Variants in FSTL5 observed in about 807,000 individuals in gnomAD.
FSTL5 encodes the protein follistatin like 5, also known as follistatin-related protein 5.
FSTL5 carries 62 observed loss-of-function variants against 89.1 expected under a neutral mutation model. That is an observed-to-expected ratio of 0.70 (90% CI 0.57 to 0.86). The LOEUF is 0.86. Ranked by LOEUF, FSTL5 falls within the 40% of genes least tolerant of loss-of-function variation. The pLI, the probability that FSTL5 is intolerant of heterozygous loss-of-function variation, is 0.00. For missense variants in FSTL5, 1,057 were observed against 1,001.6 expected (o/e 1.06, Z -0.75); for synonymous variants, 383 against 346.2 (o/e 1.11, Z -1.18).
chr4:161,402,247 T>C (rs959745472), intron 15 of FSTL5, among the ~76,000 whole-genome samples: 2 of 152,134 alleles, frequency 1.3e-5, no homozygotes, highest in Non-Finnish European at 2.9e-5. Flanking sequence ...ATTTAATAAA[T>C]TATGTGTAAA....
intron 8 of FSTL5, among the ~76,000 whole-genome samples, chr4:161,570,916 C>T (rs943788774): frequency 2.0e-5 from 3 of 151,992 alleles, no homozygotes; most frequent in Admixed American, 6.6e-5. Context: ...GAGATCGAGA[C>T]CATCCTGGCC....
intron 6 of FSTL5, among the ~76,000 whole-genome samples, chr4:161,754,300 T>C (rs940396362): frequency 6.6e-6 from 1 of 152,064 alleles, no homozygotes; most frequent in Non-Finnish European, 1.5e-5. Flanking sequence ...TTTGTACATA[T>C]AAAGATCATG....
intron 6 of FSTL5, among the ~76,000 whole-genome samples, chr4:161,681,150 G>A (rs1190228993): frequency 6.6e-6 from 1 of 152,026 alleles, no homozygotes; most frequent in Non-Finnish European, 1.5e-5. Flanking sequence ...GCATGTGAAT[G>A]TGTGATTTGA....
chr4:162,066,707 T>C (rs2111298103), intron 2 of FSTL5, among the ~76,000 whole-genome samples: 1 of 151,808 alleles, frequency 6.6e-6, no homozygotes, highest in Admixed American at 6.6e-5. Context: ...CCTGTGTTAC[T>C]CTGCTAAGAA....
At chr4:161,558,254 G>A (rs1444874962) in intron 8 of FSTL5, among the ~76,000 whole-genome samples, 2 of 151,784 alleles carry the variant, frequency 1.3e-5, no homozygotes, top group South Asian at 2.1e-4. Flanking sequence ...GTGGGAGTAG[G>A]AGAGAGCTCA....
chr4:161,391,085 T>C (rs947298440), intron 15 of FSTL5, among the ~76,000 whole-genome samples: 4 of 152,120 alleles, frequency 2.6e-5, no homozygotes, highest in African/African-American at 4.8e-5. Flanking sequence ...AAACACTCTA[T>C]CCTGTTATAA....
At chr4:162,143,753 G>C in intron 1 of FSTL5, among the ~76,000 whole-genome samples, 1 of 90,402 alleles carries the variant, frequency 1.1e-5, no homozygotes, top group Non-Finnish European at 2.5e-5. Context: ...CACACACCCA[G>C]GAAAAAAGGT....
chr4:161,617,262 A>T (rs568732588), intron 7 of FSTL5, among the ~76,000 whole-genome samples: 5 of 152,284 alleles, frequency 3.3e-5, no homozygotes, highest in African/African-American at 1.2e-4. Context: ...TATTTAGTGT[A>T]AATTGGTGAT....
At chr4:161,748,666 C>CGT (rs1740287650) in intron 6 of FSTL5, among the ~76,000 whole-genome samples, 2 of 143,414 alleles carry the variant, frequency 1.4e-5, no homozygotes, top group Non-Finnish European at 3.0e-5. Context: ...AAGACTTACA[C>CGT]GATTGGCGAA....
intron 6 of FSTL5, among the ~76,000 whole-genome samples, chr4:161,696,341 C>A (rs1157483329): frequency 2.0e-5 from 3 of 151,990 alleles, no homozygotes; most frequent in Non-Finnish European, 4.4e-5. Context: ...TAGCAGTAAC[C>A]TGTTGTTTTG....
chr4:161,670,409 C>T (rs1056318319), intron 6 of FSTL5, among the ~76,000 whole-genome samples: 1 of 152,062 alleles, frequency 6.6e-6, no homozygotes. Context: ...ATGTTGGAGT[C>T]GATCAAATGA....
chr4:161,756,321 GA>G (rs1428601411), intron 6 of FSTL5, among the ~76,000 whole-genome samples: 1 of 151,890 alleles, frequency 6.6e-6, no homozygotes, highest in Non-Finnish European at 1.5e-5. Flanking sequence ...GTCTCTTTAT[GA>G]CTATTAAAAA....
At position 161,815,893 on chromosome 4, in the gene FSTL5, G is replaced by A. The variant is rs114495584; in HGVS notation, c.410-39819C>T. On this transcript the variant is annotated intron_variant, in intron 4 of 15. Transcript: ENST00000306100. ...TTGTTAAATGTATTAATTTGAATAA[G>A]GATAAGTAAGTCAAATGAAAGTCTT... Among the ~76,000 whole-genome samples, 1,371 of 152,188 alleles carry A rather than the reference G, an allele frequency of 9.0e-3. 13 individuals carry two copies. Among genetic ancestry groups the A allele is most frequent in the Non-Finnish European group, 0.015 (1,026 of 67,998 alleles).
intron 9 of FSTL5, among the ~76,000 whole-genome samples, chr4:161,541,734 A>G (rs1731824744): frequency 6.6e-6 from 1 of 152,070 alleles, no homozygotes; most frequent in South Asian, 2.1e-4. Flanking sequence ...TAATATAAAG[A>G]AAATTAAAGT....
intron 8 of FSTL5, among the ~76,000 whole-genome samples, chr4:161,572,210 T>C (rs142848065): frequency 0.036 from 5,377 of 150,972 alleles, 318 homozygotes; most frequent in African/African-American, 0.12. Flanking sequence ...TCCCAGCTAC[T>C]TGGGAGGCTG....
intron 1 of FSTL5, among the ~76,000 whole-genome samples, chr4:162,125,986 C>T (rs989871968): frequency 6.6e-6 from 1 of 151,854 alleles, no homozygotes; most frequent in African/African-American, 2.4e-5. Flanking sequence ...TAGAGGCCTA[C>T]AAAGTCTAAA....
intron 7 of FSTL5, among the ~76,000 whole-genome samples, chr4:161,620,314 A>T (rs571359809): frequency 1.3e-5 from 2 of 152,182 alleles, no homozygotes; most frequent in East Asian, 3.9e-4. Flanking sequence ...CATTGTGCAC[A>T]TGTACCCTAA....
intron 3 of FSTL5, among the ~76,000 whole-genome samples, chr4:161,977,636 A>AT (rs1487670539): frequency 0.01 from 1,074 of 105,172 alleles, 5 homozygotes; most frequent in East Asian, 0.033. Flanking sequence ...AAAAAAAAAA[A>AT]AAAAATAATA....
chr4:161,624,911 C>G (rs974018691), intron 7 of FSTL5, among the ~76,000 whole-genome samples: 1 of 152,094 alleles, frequency 6.6e-6, no homozygotes, highest in African/African-American at 2.4e-5. Flanking sequence ...CTACCGGAAG[C>G]AGCAGAGAAG....
Sources: allele counts gnomAD v4.1 joint callset (sites outside exome capture counted in the v4.1 genomes callset), GRCh38; gene constraint gnomAD v4.1.1; transcripts MANE v1.5; gene names NCBI Gene and HGNC (gene_info 2026-07-23, HGNC 2026-07-21).